The following MAGI1 variants were observed in gnomAD, a reference collection of about 807,000 sequenced individuals.
MAGI1 encodes the protein membrane associated guanylate kinase, WW and PDZ domain containing 1.
In MAGI1, 58 loss-of-function variants were observed where a neutral mutation model predicts 139.9. That is an observed-to-expected ratio of 0.41 (90% confidence interval 0.34 to 0.52). MAGI1 has a LOEUF of 0.52. MAGI1 is among the 20% of genes least tolerant of loss of function. The pLI is 0.12. For missense variants in MAGI1, 1,874 were observed against 1,901.6 expected (o/e 0.99, Z 0.27); for synonymous variants, 812 against 737.9 (o/e 1.10, Z -1.63).
intron 1 of MAGI1, among the ~76,000 whole-genome samples, chr3:66,033,959 A>G (rs2068776828): frequency 6.6e-6 from 1 of 152,214 alleles, no homozygotes; most frequent in South Asian, 2.1e-4. Flanking sequence ...GCATAGAGAA[A>G]TGTAGGCTCC....
intron 1 of MAGI1, among the ~76,000 whole-genome samples, chr3:65,841,951 C>T (rs952404929): frequency 4.6e-5 from 7 of 152,200 alleles, no homozygotes; most frequent in African/African-American, 1.7e-4. Context: ...GGATCCTTAT[C>T]TATTTTGGTA....
intron 17 of MAGI1, among the ~76,000 whole-genome samples, chr3:65,376,492 G>A (rs575868143): frequency 2.6e-5 from 4 of 152,286 alleles, no homozygotes; most frequent in East Asian, 1.9e-4. Context: ...AACACCTGAT[G>A]AACAAACACT....
chr3:65,974,026 T>C (rs1332811891), intron 1 of MAGI1, among the ~76,000 whole-genome samples: 2 of 152,254 alleles, frequency 1.3e-5, no homozygotes, highest in South Asian at 2.1e-4. Context: ...TGGATGTTGA[T>C]TGTTCCTTTT....
chr3:65,951,070 A>G, intron 1 of MAGI1, among the ~76,000 whole-genome samples: 2 of 147,678 alleles, frequency 1.4e-5, no homozygotes, highest in African/African-American at 2.7e-5. Flanking sequence ...GTGGGAGGGA[A>G]AGAAAAGAAA....
intron 16 of MAGI1, among the ~76,000 whole-genome samples, chr3:65,379,813 C>G (rs1942892379): frequency 1.3e-5 from 2 of 152,160 alleles, no homozygotes; most frequent in South Asian, 4.1e-4. Context: ...TTATAGCATG[C>G]TATATGTCGA....
intron 20 of MAGI1, 41 bp from the exon 21 acceptor site, chr3:65,363,649 A>C (rs781405603): frequency 3.2e-6 from 5 of 1,579,770 alleles, no homozygotes; most frequent in Non-Finnish European, 4.3e-6. Context: ...AGGAGAACTA[A>C]TATCCATAGG....
At chr3:65,423,592 G>C (rs1262421094) in intron 12 of MAGI1, among the ~76,000 whole-genome samples, 1 of 152,194 alleles carries the variant, frequency 6.6e-6, no homozygotes, top group Non-Finnish European at 1.5e-5. Context: ...CAATAATTAT[G>C]GTACTGGAGC....
At chr3:65,720,732 CTTTTT>C (rs1267559034) in intron 1 of MAGI1, among the ~76,000 whole-genome samples, 2 of 151,924 alleles carry the variant, frequency 1.3e-5, no homozygotes, top group East Asian at 3.9e-4. Flanking sequence ...TGCTCTTATT[CTTTTT>C]TTGTTTGTTT....
At position 65,814,554 on chromosome 3, in the gene MAGI1, A is replaced by G. The variant is rs79653364; in HGVS notation, c.314-192466T>C. 0.012 allele frequency among the ~76,000 whole-genome samples: 1,867 copies of G among 152,278 alleles called. 94 individuals carry two copies. In the East Asian group the frequency reaches 0.16, roughly 13 times the overall value. On this transcript the variant is annotated intron_variant, in intron 1 of 22. Coordinates refer to ENST00000402939, the MANE Select transcript of MAGI1 (RefSeq NM_001033057.2). ...CCCAGAGGATTCCAGTCTTTGAACT[A>G]CATAATTTGGATTTTTTGTTCTGTT...
intron 1 of MAGI1, among the ~76,000 whole-genome samples, chr3:65,918,500 C>A (rs1292861030): frequency 2.6e-5 from 4 of 151,632 alleles, no homozygotes; most frequent in Non-Finnish European, 5.9e-5. Context: ...CCTGCCTCAG[C>A]CTCTCGAGTA....
At chr3:65,688,240 C>A in intron 1 of MAGI1, 1 of 818,380 alleles carries the variant, frequency 1.2e-6, no homozygotes, top group African/African-American at 1.7e-5. Context: ...TGCTACACAG[C>A]CCAGACTCTG....
intron 2 of MAGI1, among the ~76,000 whole-genome samples, chr3:65,594,539 G>T (rs2082100056): frequency 6.6e-6 from 1 of 152,174 alleles, no homozygotes; most frequent in Non-Finnish European, 1.5e-5. Context: ...TGAATTAATG[G>T]CTGGCATTGT....
rs371505484 is a variant in MAGI1 at position 65,919,584 on chromosome 3, CAAACAAACAAAAAAG to C, written c.313+118397_313+118411del. On this transcript the variant is annotated intron_variant, in intron 1 of 22. Coordinates refer to ENST00000402939, the MANE Select transcript of MAGI1 (RefSeq NM_001033057.2). ...CTCAAAAAAAAACAAAAAGAAAAAA[CAAACAAACAAAAAAG>C]AAACAAACAAAAAATGCTTACACAA... Among the ~76,000 whole-genome samples, 602 of 130,234 alleles carry C rather than the reference CAAACAAACAAAAAAG, an allele frequency of 4.6e-3. 4 individuals are homozygous for C. The highest frequency in any genetic ancestry group is 0.014 in the African/African-American group (540 of 37,762). 85.4% of individuals were successfully genotyped at this position (130,234 alleles called of 152,430 possible).
chr3:65,588,329 CA>C (rs971278085), intron 2 of MAGI1, among the ~76,000 whole-genome samples: 10 of 152,238 alleles, frequency 6.6e-5, no homozygotes, highest in South Asian at 2.1e-4. Context: ...AATTTGACCC[CA>C]TTAAGGTGGA....
rs144404556 is a variant in MAGI1 at position 65,853,140 on chromosome 3, C to G, written c.313+184856G>C. Reference sequence around the variant, plus strand: ...GAGATTTGTGCCACTGCACTCCAGCCAGGGCGACAGAGCGAGACTCCGTCT... The same window carrying G: ...GAGATTTGTGCCACTGCACTCCAGCGAGGGCGACAGAGCGAGACTCCGTCT... On this transcript the variant is annotated intron_variant, in intron 1 of 22. Coordinates refer to ENST00000402939, the MANE Select transcript of MAGI1 (RefSeq NM_001033057.2). 7.6e-3 allele frequency among the ~76,000 whole-genome samples: 1,147 copies of G among 151,752 alleles called. 12 individuals are homozygous for G. Among genetic ancestry groups the G allele is most frequent in the African/African-American group, 0.026 (1,091 of 41,388 alleles).
intron 2 of MAGI1, among the ~76,000 whole-genome samples, chr3:65,553,156 T>C (rs1576300070): frequency 6.6e-6 from 1 of 152,248 alleles, no homozygotes; most frequent in East Asian, 1.9e-4. Flanking sequence ...GTTTTTTTTT[T>C]TGAGCCCCTG....
chr3:65,618,036 G>A (rs879346039), intron 2 of MAGI1, among the ~76,000 whole-genome samples: 24 of 152,322 alleles, frequency 1.6e-4, no homozygotes, highest in South Asian at 4.1e-4. Flanking sequence ...CCAATCTGCA[G>A]AAGCAACGGA....
At chr3:65,459,929 AAAAAAAAG>A (rs562241900) in intron 5 of MAGI1, among the ~76,000 whole-genome samples, 1,932 of 152,140 alleles carry the variant, frequency 0.013, 25 homozygotes, top group Non-Finnish European at 0.016. Flanking sequence ...CTGTCTCAAG[AAAAAAAAG>A]AAAAAAAGAA....
At position 65,522,289 on chromosome 3, in the gene MAGI1, T is replaced by C. The variant is rs554728793; in HGVS notation, c.431-28658A>G. 9.8e-4 allele frequency among the ~76,000 whole-genome samples: 149 copies of C among 152,366 alleles called. 1 individual carries two copies. The highest frequency in any genetic ancestry group is 3.1e-3 in the South Asian group (15 of 4,832). On this transcript the variant is annotated intron_variant, in intron 2 of 22. Coordinates refer to ENST00000402939, the MANE Select transcript of MAGI1 (RefSeq NM_001033057.2). ...CAAAAAGAATAAACTATGCTGTGTT[T>C]ACCCAACTCTTTCTTCACGGAGCAT...
Sources: allele counts gnomAD v4.1 joint callset (sites outside exome capture counted in the v4.1 genomes callset), GRCh38; gene constraint gnomAD v4.1.1; transcripts MANE v1.5; gene names NCBI Gene and HGNC (gene_info 2026-07-23, HGNC 2026-07-21).